KIF22: variants seen among roughly 807,000 people sequenced by gnomAD.
KIF22 encodes kinesin-like protein KIF22.
Under a neutral mutation model 73.0 loss-of-function variants are expected in KIF22, and 62 were observed. That is an observed-to-expected ratio of 0.85 (90% confidence interval 0.69 to 1.05). The LOEUF is 1.05. Among genes scored for constraint, KIF22 ranks in the 50% least tolerant of loss-of-function variants. The probability of loss-of-function intolerance (pLI) is 0.00; values close to 1 mark genes in which losing one functional copy is unlikely to be tolerated. For missense variants in KIF22, 854 were observed against 870.1 expected (o/e 0.98, Z 0.23); for synonymous variants, 411 against 340.1 (o/e 1.21, Z -2.29).
chr16:29,804,961 C>T lies in KIF22; in HGVS notation c.1825C>T (p.Arg609Cys), dbSNP rs1338058616. 1 of 1,612,412 alleles carries T rather than the reference C, an allele frequency of 6.2e-7. No individual in the cohort carries two copies. Among genetic ancestry groups the T allele is most frequent in the South Asian group, 1.1e-5 (1 of 90,962 alleles). Residue 609 changes from arginine (R) to cysteine (C), a missense_variant, in exon 12 of 14, where the codon CGC becomes TGC. This residue lies in a region of KIF22 where 423 missense variants were observed against 365.4 expected (regional missense o/e 1.16). Coordinates refer to ENST00000160827, the MANE Select transcript of KIF22 (RefSeq NM_007317.3). ...GSARDLRSLQ[R>C]IGPKKAQLIV... is the part of the protein sequence containing the mutation. ...AGCCCGAGATCTCCGCAGTCTTCAG[C>T]GCATTGGCCCGAAGAAGGCCCAGCT...
Position 29,804,904 on chromosome 16 carries a change from C to CA in KIF22, c.1774dup (p.Ile592AsnfsTer?). The CA allele has an allele frequency of 6.2e-7, 1 of 1,613,938 alleles. No individual in the cohort carries two copies. The highest frequency in any genetic ancestry group is 8.5e-7 in the Non-Finnish European group (1 of 1,179,998). ...CCCGGAGCTACTGGCTCATGGGCGC[C>CA]AAAAAATACTGGATCTGCTGAACGA... On this transcript the variant is annotated frameshift_variant, in exon 12 of 14. Transcript: ENST00000160827. LOFTEE classifies it high-confidence loss of function.
At chr16:29,805,062 G>A in intron 12 of KIF22, 36 bp downstream of exon 12, 1 of 1,611,406 alleles carries the variant, frequency 6.2e-7, no homozygotes, top group Non-Finnish European at 8.5e-7. Flanking sequence ...GGCGGGGGCG[G>A]GGGAGACCGG....
rs1900241901 is a variant in KIF22, at chr16:29,802,770, C to G, written c.1282C>G (p.Pro428Ala). ...GGAGCAACTTCTTTTTCTGCTCAGC[C>G]CCCTACAGAAGCTAAGCAGCATGGA... ...APASASQKLS[P>A]LQKLSSMDPA... The change falls in exon 9 of 14, where the codon CCC becomes GCC. Residue 428 changes from proline to alanine, a missense_variant and splice_region_variant. Around this residue, in one of 3 missense-constraint regions of KIF22, gnomAD observed 423 missense variants for 365.4 expected, o/e 1.16. Coordinates refer to ENST00000160827, the MANE Select transcript of KIF22 (RefSeq NM_007317.3). 5 of 1,566,140 alleles carry G rather than the reference C, an allele frequency of 3.2e-6. No homozygotes were observed. The highest frequency in any genetic ancestry group is 4.3e-6 in the Non-Finnish European group (5 of 1,161,450).
intron 1 of KIF22, among the ~76,000 whole-genome samples, chr16:29,791,671 A>G (rs1470755227): frequency 6.6e-6 from 1 of 152,244 alleles, no homozygotes; most frequent in South Asian, 2.1e-4. Flanking sequence ...TGTCCACACA[A>G]TGCTATCAGG....
At chr16:29,804,407 C>CT (rs1899269498) in intron 11 of KIF22, 1 of 619,668 alleles carries the variant, frequency 1.6e-6, no homozygotes, top group East Asian at 2.8e-5. Context: ...TCGAACACCA[C>CT]TAGAACTACC....
Position 29,805,107 on chromosome 16 carries a change from C to T in KIF22, c.1891-8C>T, listed in dbSNP as rs1899322383. ...AGACCCTGTCCCCTATCGATCCTGT[C>T]CCGCCAGGTGGAGGACCTGGAACGC... On this transcript the variant is annotated splice_polypyrimidine_tract_variant and splice_region_variant and intron_variant, in intron 12 of 13. Coordinates refer to ENST00000160827, the MANE Select transcript of KIF22 (RefSeq NM_007317.3). 3.1e-6 allele frequency: 5 copies of T among 1,613,600 alleles called. No homozygotes were observed. In the South Asian group the frequency reaches 5.5e-5, roughly 18 times the overall value.
In KIF22 at chr16:29,803,973, T is replaced by TC. The variant is rs780753948; in HGVS notation, c.1610-23dup. 5 of 1,597,392 alleles carry TC rather than the reference T, an allele frequency of 3.1e-6. No homozygotes were observed. The South Asian group carries it at 3.3e-5, about 11-fold the overall frequency. On this transcript the variant is annotated intron_variant, in intron 10 of 13. Coordinates refer to ENST00000160827, the MANE Select transcript of KIF22 (RefSeq NM_007317.3). ...GGTGAAAAGTACCCTTTGCCCTGAC[T>TC]CCAATTCTCGATTCCTACTTTCAGT...
At chr16:29,793,895 G>A (rs776887158) in intron 1 of KIF22, among the ~76,000 whole-genome samples, 6 of 152,158 alleles carry the variant, frequency 3.9e-5, no homozygotes, top group Non-Finnish European at 7.4e-5. Flanking sequence ...TCCCAAGAGT[G>A]TCGCATACTT....
At chr16:29,805,064 G>GGGGGGGGGGGGC in intron 12 of KIF22, 38 bp downstream of exon 12, 1 of 1,609,758 alleles carries the variant, frequency 6.2e-7, no homozygotes, top group East Asian at 2.2e-5. Context: ...CGGGGGCGGG[G>GGGGGGGGGGGGC]GAGACCGGGT....
chr16:29,801,438 G>GGAAGATGCCACACACAA (rs1378295328), intron 8 of KIF22, among the ~76,000 whole-genome samples: 1 of 152,196 alleles, frequency 6.6e-6, no homozygotes, highest in Non-Finnish European at 1.5e-5. Flanking sequence ...CTGTAGTTAA[G>GGAAGATGCCACACACAA]GAAGATGCCA....
chr16:29,805,129 A>C lies in KIF22; in HGVS notation c.1905A>C (p.Glu635Asp), dbSNP rs1195346180. The C allele has an allele frequency of 5.6e-6, 9 of 1,613,582 alleles. No individual in the cohort carries two copies. Among genetic ancestry groups the C allele is most frequent in the Non-Finnish European group, 7.6e-6 (9 of 1,179,954 alleles). Reference sequence around the variant, plus strand: ...TGTCCCGCCAGGTGGAGGACCTGGAACGCGTGGAGGGCATAACGGGGAAAC... The same window carrying C: ...TGTCCCGCCAGGTGGAGGACCTGGACCGCGTGGAGGGCATAACGGGGAAAC... ...HGPFSQVEDLERVEGITGKQM... is the reference protein window; with the variant it reads ...HGPFSQVEDLDRVEGITGKQM... Residue 635 changes from glutamate to aspartate, a missense_variant, in exon 13 of 14, where the codon GAA becomes GAC. By Grantham distance (45) the Glu-to-Asp change is conservative. Around this residue, in one of 3 missense-constraint regions of KIF22, gnomAD observed 423 missense variants for 365.4 expected, o/e 1.16. Transcript: ENST00000160827.
rs1415903568 is a variant in KIF22 at position 29,796,910 on chromosome 16, C to T, written c.88C>T (p.Leu30=). The change falls in exon 2 of 14, where the codon CTA becomes TTA. Residue 30 remains leucine, a synonymous_variant. Transcript: ENST00000160827. The part of the protein sequence containing the change: ...AAISGAGRCR[L]SKIGATRRPP... Reference sequence around the variant, plus strand: ...TCCTCCAGGAGCTGGTCGCTGTCGGCTAAGCAAGATTGGAGCTACTCGTCG... The same window carrying T: ...TCCTCCAGGAGCTGGTCGCTGTCGGTTAAGCAAGATTGGAGCTACTCGTCG... 6.2e-7 allele frequency: 1 copy of T among 1,614,128 alleles called. No individual in the cohort carries two copies. Among genetic ancestry groups the T allele is most frequent in the Non-Finnish European group, 8.5e-7 (1 of 1,180,004 alleles).
chr16:29,793,358 T>G (rs188980727), intron 1 of KIF22, among the ~76,000 whole-genome samples: 1 of 152,180 alleles, frequency 6.6e-6, no homozygotes, highest in East Asian at 1.9e-4. Flanking sequence ...GAGAATCGCT[T>G]GAACCGGGAG....
chr16:29,803,353 G>A (rs1207260324), intron 9 of KIF22, 96 bp from the exon 10 acceptor site: 1 of 1,459,142 alleles, frequency 6.9e-7, no homozygotes, highest in Admixed American at 2.1e-5. Flanking sequence ...TGCCCTCTGG[G>A]GGCTCAGAGC....
At position 29,798,025 on chromosome 16, in the gene KIF22, C is replaced by T. The variant is rs987126213; in HGVS notation, c.267-349C>T. 6.6e-6 allele frequency among the ~76,000 whole-genome samples: 1 copy of T among 152,188 alleles called. No homozygotes were observed. Among genetic ancestry groups the T allele is most frequent in the Non-Finnish European group, 1.5e-5 (1 of 68,036 alleles). ...AATTTCTTTCTTTGGTCAAAATCTT[C>T]CTTCCTTGAGCAGAATCAGTTACTC... On this transcript the variant is annotated intron_variant, in intron 2 of 13. Transcript: ENST00000160827. This position sits in a 1 kb window ranked among gnomAD's most constrained non-coding sequence, Gnocchi z 4.1.
chr16:29,802,071 A>G (rs915894511), intron 8 of KIF22, among the ~76,000 whole-genome samples: 2 of 152,078 alleles, frequency 1.3e-5, no homozygotes, highest in African/African-American at 4.8e-5. Flanking sequence ...GTTCAAGACC[A>G]GCCTGGGCAA....
chr16:29,794,558 C>T (rs1898901923), intron 1 of KIF22, among the ~76,000 whole-genome samples: 1 of 152,066 alleles, frequency 6.6e-6, no homozygotes, highest in Admixed American at 6.6e-5. Context: ...CACTGTGCTG[C>T]CACTTTATCT....
chr16:29,804,125 C>T (rs761751630), intron 11 of KIF22, 60 bp downstream of exon 11: 2 of 1,381,196 alleles, frequency 1.4e-6, no homozygotes, highest in Admixed American at 1.7e-5. Context: ...GGAGTAGGCT[C>T]TAGGGGGAGG....
chr16:29,803,029 C>CT, intron 9 of KIF22, 92 bp downstream of exon 9: 14 of 1,311,094 alleles, frequency 1.1e-5, no homozygotes, highest in Non-Finnish European at 1.1e-6. Flanking sequence ...TCAGGCTGGA[C>CT]TAGAGTCCAG....
Sources: gnomAD v4.1 joint callset for allele counts (sites outside exome capture counted in the v4.1 genomes callset) on GRCh38, gnomAD v4.1.1 for gene constraint, gnomAD v4.1.1 regional missense constraint, Gnocchi (gnomAD v3.1) non-coding constraint, MANE v1.5 for transcripts, NCBI Gene and HGNC (gene_info 2026-07-23, HGNC 2026-07-21) for gene names.